CDH13: variants seen among roughly 807,000 people sequenced by gnomAD.
CDH13 encodes cadherin 13, also known as cadherin-13.
A neutral mutation model predicts 63.8 loss-of-function variants in CDH13; 24 were observed. That is an observed-to-expected ratio of 0.38 (90% confidence interval 0.27 to 0.53). The LOEUF is 0.53. Ranked by LOEUF, CDH13 falls within the 20% of genes least tolerant of loss-of-function variation. The pLI, the probability that CDH13 is intolerant of heterozygous loss-of-function variation, is 0.85. For missense variants in CDH13, 1,049 were observed against 903.1 expected, an observed-to-expected ratio of 1.16 and a Z score of -2.07; for synonymous variants, 503 against 355.3, an observed-to-expected ratio of 1.42 and a Z score of -4.67.
intron 1 of CDH13, among the ~76,000 whole-genome samples, chr16:82,798,027 C>T (rs1470592759): frequency 6.6e-6 from 1 of 152,180 alleles, no homozygotes; most frequent in Non-Finnish European, 1.5e-5. Flanking sequence ...AGTAAAGAGA[C>T]ACTTTCTACC....
intron 10 of CDH13, among the ~76,000 whole-genome samples, chr16:83,743,223 A>G (rs1418486638): frequency 2.6e-5 from 4 of 152,170 alleles, no homozygotes; most frequent in Non-Finnish European, 4.4e-5. Context: ...ATAAAATAAA[A>G]TAAGCAAACA....
chr16:82,677,316 C>A (rs1914042949), intron 1 of CDH13, among the ~76,000 whole-genome samples: 1 of 152,174 alleles, frequency 6.6e-6, no homozygotes, highest in South Asian at 2.1e-4. Context: ...CCCTCTTATT[C>A]CCTCTTCTGT....
rs576301033 is a variant in CDH13, at chr16:83,047,623, A to G, written c.366+15405A>G. Among the ~76,000 whole-genome samples, 1 of 152,372 alleles carries G rather than the reference A, an allele frequency of 6.6e-6. No individual in the cohort carries two copies. The highest frequency in any genetic ancestry group is 2.4e-5 in the African/African-American group (1 of 41,598). ...CTGCATAAATAAAATAATATGCTCC[A>G]TAATGGCAGAGATTTGACTGACTTG... On this transcript the variant is annotated intron_variant, in intron 3 of 13. Coordinates refer to ENST00000567109, the MANE Select transcript of CDH13 (RefSeq NM_001257.5). The surrounding 1 kb of genome is among the most constrained non-coding windows in gnomAD (Gnocchi z 4.9).
intron 3 of CDH13, among the ~76,000 whole-genome samples, chr16:83,058,095 A>T (rs1431628651): frequency 1.3e-5 from 2 of 152,254 alleles, no homozygotes; most frequent in Non-Finnish European, 2.9e-5. Flanking sequence ...TCTTAAAAAT[A>T]TAAATCGTTA....
chr16:83,322,496 G>C (rs1219446863), intron 5 of CDH13, among the ~76,000 whole-genome samples: 1 of 152,126 alleles, frequency 6.6e-6, no homozygotes, highest in African/African-American at 2.4e-5. Context: ...AAATTAATGA[G>C]CACCTCATAT....
chr16:83,232,492 C>T (rs969494855), intron 5 of CDH13, among the ~76,000 whole-genome samples: 1 of 151,192 alleles, frequency 6.6e-6, no homozygotes, highest in African/African-American at 2.4e-5. Context: ...GCCAGCTGCA[C>T]TCCAGCCTGG....
intron 7 of CDH13, among the ~76,000 whole-genome samples, chr16:83,580,867 T>C (rs4477688): frequency 0.35 from 53,432 of 152,020 alleles, 9,548 homozygotes; most frequent in East Asian, 0.42. Context: ...TTGGAGTTAA[T>C]TGTAAGTAGA....
chr16:82,745,282 T>C (rs2034111944), intron 1 of CDH13, among the ~76,000 whole-genome samples: 1 of 152,136 alleles, frequency 6.6e-6, no homozygotes, highest in Non-Finnish European at 1.5e-5. Context: ...TCAGTAGCCT[T>C]TCCCAACCGA....
chr16:82,640,447 G>A (rs1342208549), intron 1 of CDH13, among the ~76,000 whole-genome samples: 1 of 152,130 alleles, frequency 6.6e-6, no homozygotes, highest in Non-Finnish European at 1.5e-5. Context: ...TTTCTGTAAT[G>A]AGCCATCTAG....
At chr16:83,372,680 A>T (rs1298390985) in intron 6 of CDH13, among the ~76,000 whole-genome samples, 1 of 141,098 alleles carries the variant, frequency 7.1e-6, no homozygotes, top group African/African-American at 2.6e-5. Flanking sequence ...TGAATCCGGG[A>T]GGCAGAGGTT....
At chr16:83,025,262 T>C (rs1317394839) in intron 2 of CDH13, among the ~76,000 whole-genome samples, 1 of 152,160 alleles carries the variant, frequency 6.6e-6, no homozygotes, top group African/African-American at 2.4e-5. Context: ...ATGTCGAGGA[T>C]TAAAGAATAT....
intron 7 of CDH13, among the ~76,000 whole-genome samples, chr16:83,522,273 C>CA (rs2074856522): frequency 6.6e-6 from 1 of 152,204 alleles, no homozygotes; most frequent in Non-Finnish European, 1.5e-5. Context: ...TGGATCACGT[C>CA]AAAATGTAGC....
intron 1 of CDH13, among the ~76,000 whole-genome samples, chr16:82,652,314 G>C (rs908122736): frequency 2.6e-5 from 4 of 152,176 alleles, no homozygotes; most frequent in Non-Finnish European, 4.4e-5. Context: ...AGAAGGTTCT[G>C]TTTCTCACCT....
intron 4 of CDH13, among the ~76,000 whole-genome samples, chr16:83,214,236 C>A (rs533652510): frequency 1.3e-5 from 2 of 152,108 alleles, no homozygotes; most frequent in African/African-American, 4.8e-5. Context: ...ACGCAGGGAG[C>A]TGTTTCCAGA....
At chr16:83,081,282 C>A (rs1466702272) in intron 3 of CDH13, among the ~76,000 whole-genome samples, 1 of 152,018 alleles carries the variant, frequency 6.6e-6, no homozygotes, top group Non-Finnish European at 1.5e-5. Flanking sequence ...GTAGAAGACC[C>A]AAGAGATATA....
At chr16:83,613,123 T>G (rs1397264835) in intron 8 of CDH13, among the ~76,000 whole-genome samples, 1 of 152,256 alleles carries the variant, frequency 6.6e-6, no homozygotes, top group Non-Finnish European at 1.5e-5. Flanking sequence ...TTTCATTGTC[T>G]TCTGACATCT....
chr16:82,775,323 T>A (rs946896900), intron 1 of CDH13, among the ~76,000 whole-genome samples: 2 of 152,198 alleles, frequency 1.3e-5, no homozygotes, highest in Non-Finnish European at 2.9e-5. Context: ...AACCATTGTT[T>A]TGAATAGTCA....
intron 1 of CDH13, among the ~76,000 whole-genome samples, chr16:82,820,903 T>C (rs1366876892): frequency 1.7e-5 from 2 of 115,898 alleles, no homozygotes; most frequent in African/African-American, 5.5e-5. Context: ...TGAATATGCC[T>C]GCCCTTTTCT....
chr16:83,243,954 A>G (rs1166946003), intron 5 of CDH13, among the ~76,000 whole-genome samples: 1 of 152,202 alleles, frequency 6.6e-6, no homozygotes, highest in Non-Finnish European at 1.5e-5. Context: ...GCCCTTTCCC[A>G]TATGGGTTTA....
Sources: gnomAD v4.1 joint callset for allele counts (sites outside exome capture counted in the v4.1 genomes callset) on GRCh38, gnomAD v4.1.1 for gene constraint, Gnocchi (gnomAD v3.1) non-coding constraint, MANE v1.5 for transcripts, NCBI Gene and HGNC (gene_info 2026-07-23, HGNC 2026-07-21) for gene names.